The following PLXNA4 variants were observed in gnomAD, a reference collection of about 807,000 sequenced individuals.
PLXNA4 encodes the protein plexin-A4.
PLXNA4 carries 44 observed loss-of-function variants against 191.8 expected under a neutral mutation model. The observed-to-expected ratio is 0.23, with a 90% CI of 0.18 to 0.29. PLXNA4 has a LOEUF of 0.29. Among genes scored for constraint, PLXNA4 ranks in the 10% least tolerant of loss-of-function variants. The probability of loss-of-function intolerance (pLI) is 1.00; values close to 1 mark genes in which losing one functional copy is unlikely to be tolerated. For synonymous variants in PLXNA4, 1,082 were observed against 1,009.5 expected, an observed-to-expected ratio of 1.07 and a Z score of -1.36; for missense variants, 1,800 against 2,488.8, an observed-to-expected ratio of 0.72 and a Z score of 5.89.
At chr7:132,349,434 G>A (rs1803392290) in intron 3 of PLXNA4, among the ~76,000 whole-genome samples, 1 of 152,174 alleles carries the variant, frequency 6.6e-6, no homozygotes, top group South Asian at 2.1e-4. Flanking sequence ...GCCAACACAG[G>A]GAGGGCTACC....
intron 2 of PLXNA4, among the ~76,000 whole-genome samples, chr7:132,606,291 C>A (rs1011849062): frequency 1.3e-5 from 2 of 152,188 alleles, no homozygotes; most frequent in Non-Finnish European, 2.9e-5. Context: ...AGAATTCCAG[C>A]CTTCAGAGCT....
In PLXNA4 at chr7:132,548,661, T is replaced by C. The variant is rs78599146; in HGVS notation, c.-87+27761A>G. The stretch of plus-strand genomic sequence containing the variant: ...ATTTCCTAGTTTGCAGAGTAAAATA[T>C]ACCCTGTCAGAAGTGTTTGAACCAG... On this transcript the variant is annotated intron_variant, in intron 1 of 31. Coordinates refer to ENST00000321063, the MANE Select transcript of PLXNA4 (RefSeq NM_020911.2). 2.2e-3 allele frequency among the ~76,000 whole-genome samples: 328 copies of C among 152,330 alleles called. 2 individuals are homozygous for C. Among genetic ancestry groups the C allele is most frequent in the African/African-American group, 7.6e-3 (315 of 41,588 alleles).
chr7:132,488,584 A>T (rs1192114256), intron 3 of PLXNA4, among the ~76,000 whole-genome samples: 2 of 152,216 alleles, frequency 1.3e-5, no homozygotes, highest in Non-Finnish European at 2.9e-5. Flanking sequence ...AAGGGCATGC[A>T]CTATAGGGCC....
intron 2 of PLXNA4, among the ~76,000 whole-genome samples, chr7:132,492,110 A>G (rs908243095): frequency 2.0e-5 from 3 of 152,164 alleles, no homozygotes; most frequent in African/African-American, 7.2e-5. Flanking sequence ...ATCACCCATT[A>G]TGATCCATTT....
chr7:132,565,268 G>A (rs1801669783), intron 1 of PLXNA4, among the ~76,000 whole-genome samples: 1 of 152,172 alleles, frequency 6.6e-6, no homozygotes, highest in African/African-American at 2.4e-5. Flanking sequence ...GCCCAGAGAG[G>A]GGACTTGCTG....
intron 28 of PLXNA4, among the ~76,000 whole-genome samples, chr7:132,146,172 C>G (rs1215284180): frequency 6.6e-6 from 1 of 150,820 alleles, no homozygotes; most frequent in Non-Finnish European, 1.5e-5. Context: ...GTAGATGATA[C>G]CACAGAGAAG....
At chr7:132,308,623 C>CT (rs916128222) in intron 3 of PLXNA4, among the ~76,000 whole-genome samples, 2 of 152,130 alleles carry the variant, frequency 1.3e-5, no homozygotes, top group Non-Finnish European at 2.9e-5. Flanking sequence ...ACTCCCAACT[C>CT]TGACACTTAG....
At chr7:132,223,165 C>G (rs1410188459) in intron 9 of PLXNA4, among the ~76,000 whole-genome samples, 1 of 152,232 alleles carries the variant, frequency 6.6e-6, no homozygotes, top group Non-Finnish European at 1.5e-5. Flanking sequence ...CCCTGAGGAA[C>G]AGCTGAGGAG....
chr7:132,298,623 G>C (rs1438454462), intron 3 of PLXNA4, among the ~76,000 whole-genome samples: 1 of 152,258 alleles, frequency 6.6e-6, no homozygotes. Context: ...TGCTGCATTT[G>C]TTAGCAGAAA....
intron 3 of PLXNA4, chr7:132,384,301 A>AT (rs1805023983): frequency 1.0e-6 from 1 of 985,334 alleles, no homozygotes; most frequent in East Asian, 1.1e-4. Flanking sequence ...CCAGTCGCTA[A>AT]TTTTACATCT....
chr7:132,304,982 G>C (rs187792731), intron 3 of PLXNA4, among the ~76,000 whole-genome samples: 1 of 152,326 alleles, frequency 6.6e-6, no homozygotes, highest in Non-Finnish European at 1.5e-5. Context: ...CTCATTTGAT[G>C]CACCCATGCC....
chr7:132,161,680 G>A (rs546791111), intron 24 of PLXNA4, among the ~76,000 whole-genome samples: 14 of 151,754 alleles, frequency 9.2e-5, no homozygotes, highest in East Asian at 3.9e-4. Flanking sequence ...GCAGGCTCCC[G>A]GGCGGGCACC....
chr7:132,501,234 G>T (rs1798237567), intron 2 of PLXNA4, among the ~76,000 whole-genome samples: 1 of 152,196 alleles, frequency 6.6e-6, no homozygotes, highest in African/African-American at 2.4e-5. Flanking sequence ...GAGTGAGTGA[G>T]CAAGAGGAGA....
chr7:132,221,855 T>G (rs1432061442), intron 9 of PLXNA4, among the ~76,000 whole-genome samples: 1 of 152,170 alleles, frequency 6.6e-6, no homozygotes, highest in Non-Finnish European at 1.5e-5. Context: ...CATAATCTCT[T>G]CTTTTTTCTG....
Position 132,394,979 on chromosome 7 carries a change from T to C in PLXNA4, c.1371+94313A>G, listed in dbSNP as rs974231858. On this transcript the variant is annotated intron_variant, in intron 3 of 31. Transcript: ENST00000321063. ...TTCAGGGATCCTGGGCCTCATCACA[T>C]GCAGATGTAGTCCTGCCTTTCCGGG... Among the ~76,000 whole-genome samples, 4 of 152,258 alleles carry C rather than the reference T, an allele frequency of 2.6e-5. No homozygotes were observed. In the South Asian group the frequency reaches 6.2e-4, roughly 24 times the overall value.
At position 132,126,850 on chromosome 7, in the gene PLXNA4, T is replaced by C. The variant is rs1165148829; in HGVS notation, c.*3629A>G. The C allele has an allele frequency of 6.6e-6, 1 of 152,192 alleles. No individual in the cohort carries two copies. Among genetic ancestry groups the C allele is most frequent in the South Asian group, 2.1e-4 (1 of 4,830 alleles). 9.4% of individuals were successfully genotyped at this position (152,192 alleles called of 1,614,324 possible). Reference sequence around the variant, plus strand: ...CCTGTGGGACACTTGGGTTATCCACTGTTCCCAAATTTAAAACCATACTGA... The same window carrying C: ...CCTGTGGGACACTTGGGTTATCCACCGTTCCCAAATTTAAAACCATACTGA... On this transcript the variant is annotated 3_prime_UTR_variant, in exon 32 of 32. Transcript: ENST00000321063.
intron 27 of PLXNA4, among the ~76,000 whole-genome samples, chr7:132,147,055 G>A (rs1795456768): frequency 1.3e-5 from 2 of 152,196 alleles, no homozygotes; most frequent in Non-Finnish European, 1.5e-5. Flanking sequence ...GTTCTGTGCA[G>A]CCAATTAAGT....
intron 3 of PLXNA4, among the ~76,000 whole-genome samples, chr7:132,345,756 C>A (rs977234500): frequency 2.6e-5 from 4 of 152,206 alleles, no homozygotes; most frequent in Non-Finnish European, 5.9e-5. Flanking sequence ...ACAGTCCCAG[C>A]CTCACGAAAG....
chr7:132,138,596 C>G (rs761248951), intron 30 of PLXNA4, among the ~76,000 whole-genome samples: 1 of 152,070 alleles, frequency 6.6e-6, no homozygotes, highest in Non-Finnish European at 1.5e-5. Context: ...ACCCCGGTCC[C>G]GAAAAGGAGA....
Sources: allele counts gnomAD v4.1 joint callset (sites outside exome capture counted in the v4.1 genomes callset), GRCh38; gene constraint gnomAD v4.1.1; transcripts MANE v1.5; gene names NCBI Gene and HGNC (gene_info 2026-07-23, HGNC 2026-07-21).